GANC: variants seen among roughly 807,000 people sequenced by gnomAD.
GANC encodes neutral alpha-glucosidase C.
GANC carries 117 observed loss-of-function variants against 124.2 expected under a neutral mutation model. The ratio of observed to expected loss-of-function variants is 0.94; its 90% CI spans 0.81 to 1.10. The LOEUF is 1.10. Ranked by LOEUF, GANC falls within the 50% of genes least tolerant of loss-of-function variation. The pLI, the probability that GANC is intolerant of heterozygous loss-of-function variation, is 0.00. For missense variants in GANC, 1,140 were observed against 1,095.0 expected, an observed-to-expected ratio of 1.04 and a Z score of -0.58; for synonymous variants, 377 against 376.8, an observed-to-expected ratio of 1.00 and a Z score of -0.01.
intron 15 of GANC, among the ~76,000 whole-genome samples, chr15:42,333,040 T>TATATATATA (rs1408862547): frequency 2.5e-5 from 2 of 79,234 alleles, no homozygotes; most frequent in African/African-American, 6.8e-5. Context: ...ATATATATAT[T>TATATATATA]TTTTTTGGTC....
At chr15:42,327,014 A>G (rs906923982) in intron 12 of GANC, among the ~76,000 whole-genome samples, 4 of 152,170 alleles carry the variant, frequency 2.6e-5, no homozygotes, top group South Asian at 2.1e-4. Context: ...TTTTCCCTTT[A>G]CATCCCTTGA....
chr15:42,288,030 C>A (rs930883400), intron 4 of GANC, among the ~76,000 whole-genome samples: 5 of 152,096 alleles, frequency 3.3e-5, no homozygotes, highest in African/African-American at 1.2e-4. Context: ...ATTATCCATT[C>A]TGTTTTTTCT....
chr15:42,292,497 A>G (rs2051849592), intron 4 of GANC, among the ~76,000 whole-genome samples: 1 of 152,204 alleles, frequency 6.6e-6, no homozygotes, highest in Admixed American at 6.5e-5. Flanking sequence ...AAGGAAACCA[A>G]GACCTAGAAA....
intron 19 of GANC, among the ~76,000 whole-genome samples, chr15:42,343,977 A>G (rs958844888): frequency 6.6e-6 from 1 of 152,144 alleles, no homozygotes; most frequent in African/African-American, 2.4e-5. Flanking sequence ...TGGAGCTGGC[A>G]TGGGACTGCC....
chr15:42,341,551 C>G (rs2052329374), intron 18 of GANC, among the ~76,000 whole-genome samples: 1 of 151,322 alleles, frequency 6.6e-6, no homozygotes, highest in Admixed American at 6.6e-5. Context: ...AAGGGTGACT[C>G]TCATTTCTGA....
In GANC at chr15:42,274,212, T is replaced by C. The variant is rs2051625977; in HGVS notation, c.-270T>C. The stretch of plus-strand genomic sequence containing the variant: ...CTCACCGCCGCCCAGTTTCGGTTCC[T>C]AACAAAAGCACGTTCCTCATCAGCC... On this transcript the variant is annotated 5_prime_UTR_variant, in exon 1 of 24. Transcript: ENST00000318010. The C allele has an allele frequency of 4.5e-6, 2 of 446,450 alleles. No individual in the cohort carries two copies. Among genetic ancestry groups the C allele is most frequent in the Non-Finnish European group, 8.1e-6 (2 of 247,328 alleles). The allele number at this position is 446,450 out of a possible 1,614,324, so 27.7% of individuals were successfully genotyped here. A position where few individuals can be genotyped will look rare whatever the true frequency, so the allele number is the denominator to read the frequency against.
chr15:42,337,328 C>T (rs1315773195), intron 15 of GANC, among the ~76,000 whole-genome samples: 2 of 152,212 alleles, frequency 1.3e-5, no homozygotes, highest in Admixed American at 1.3e-4. Flanking sequence ...GATATCTTGC[C>T]TGTGATCTGG....
At chr15:42,310,253 T>G in intron 8 of GANC, 30 bp from the exon 9 acceptor site, 1 of 1,488,042 alleles carries the variant, frequency 6.7e-7, no homozygotes, top group Non-Finnish European at 9.2e-7. Context: ...ATATTTGTGA[T>G]GGTAATTGAT....
At chr15:42,280,927 A>G in intron 3 of GANC, 1 of 702,322 alleles carries the variant, frequency 1.4e-6, no homozygotes, top group Non-Finnish European at 2.6e-6. Context: ...GTCAGGTGCC[A>G]GGACCAGAGC....
intron 17 of GANC, 56 bp from the exon 18 acceptor site, chr15:42,340,634 T>G: frequency 1.1e-5 from 14 of 1,260,346 alleles, no homozygotes; most frequent in Middle Eastern, 2.2e-4. Context: ...ATATAAGTGA[T>G]TGATTGCAAT....
At chr15:42,284,008 A>G in intron 3 of GANC, 2 of 702,474 alleles carry the variant, frequency 2.8e-6, no homozygotes, top group African/African-American at 1.7e-5. Flanking sequence ...TTAATGAACT[A>G]TTAGACCATC....
At chr15:42,339,148 A>G (rs902245759) in intron 16 of GANC, among the ~76,000 whole-genome samples, 3 of 152,142 alleles carry the variant, frequency 2.0e-5, no homozygotes, top group Non-Finnish European at 4.4e-5. Context: ...GTACAATACA[A>G]GGAATATGTA....
chr15:42,302,942 T>C (rs553707555), intron 6 of GANC, among the ~76,000 whole-genome samples: 2 of 152,194 alleles, frequency 1.3e-5, no homozygotes, highest in South Asian at 4.1e-4. Flanking sequence ...CAGGATATTA[T>C]CCAGGAGAAT....
chr15:42,295,650 A>G (rs1319122057), intron 5 of GANC, among the ~76,000 whole-genome samples: 1 of 127,480 alleles, frequency 7.8e-6, no homozygotes, highest in African/African-American at 3.0e-5. Context: ...ACACACACAC[A>G]CACACACACA....
At position 42,330,656 on chromosome 15, in the gene GANC, T is replaced by G; in HGVS notation, c.1725T>G (p.Ala575=). The change falls in exon 15 of 24, where the codon GCT becomes GCG. Residue 575 remains alanine, a synonymous_variant. Transcript: ENST00000318010. Reference sequence around the variant, plus strand: ...TTGTTCTTACACGTTCTTTCTTTGCTGGATCACAAAAGTATGGTAAGGAAT... The same window carrying G: ...TTGTTCTTACACGTTCTTTCTTTGCGGGATCACAAAAGTATGGTAAGGAAT... The part of the protein sequence containing the change: ...RPFVLTRSFF[A]GSQKYGAVWT... 2 of 1,607,380 alleles carry G rather than the reference T, an allele frequency of 1.2e-6. No homozygotes were observed. The highest frequency in any genetic ancestry group is 1.7e-6 in the Non-Finnish European group (2 of 1,178,062).
At chr15:42,337,559 GA>G in intron 15 of GANC, among the ~76,000 whole-genome samples, 1 of 152,212 alleles carries the variant, frequency 6.6e-6, no homozygotes, top group Admixed American at 6.5e-5. Context: ...GCCTACCTGA[GA>G]ATAGAGGGTG....
At chr15:42,284,256 T>G (rs2051763995) in intron 3 of GANC, 1 of 516,860 alleles carries the variant, frequency 1.9e-6, no homozygotes, top group South Asian at 2.8e-5. Flanking sequence ...TTACTAATTG[T>G]GATTCCCAGT....
At position 42,278,527 on chromosome 15, in the gene GANC, A is replaced by G. The variant is rs749837758; in HGVS notation, c.138A>G (p.Leu46=). ...CCAAGAAGTCCACCTATCAGGCATTATTGGATTCAGTCACAACAGATGAAG... is the reference window on the plus strand; with the variant it reads ...CCAAGAAGTCCACCTATCAGGCATTGTTGGATTCAGTCACAACAGATGAAG... The part of the protein sequence containing the change: ...WLSKKSTYQA[L]LDSVTTDEDS... The change falls in exon 3 of 24, where the codon TTA becomes TTG. Residue 46 remains leucine (L), a synonymous_variant. Transcript: ENST00000318010. 6.7e-5 allele frequency: 108 copies of G among 1,613,168 alleles called. No individual in the cohort carries two copies. The highest frequency in any genetic ancestry group is 8.9e-5 in the Non-Finnish European group (105 of 1,179,570).
rs2141039302 is a variant in GANC, at chr15:42,304,883, G to T, written c.559-1663G>T. ...GAAAGGATTTCCTATTTAATAAATG[G>T]TGCTGGGAAAACTGTCTAGCCATGT... On this transcript the variant is annotated intron_variant, in intron 6 of 23. Transcript: ENST00000318010. 1.3e-5 allele frequency among the ~76,000 whole-genome samples: 2 copies of T among 152,264 alleles called. 1 individual carries two copies. Among genetic ancestry groups the T allele is most frequent in the South Asian group, 4.2e-4 (2 of 4,816 alleles).
Sources: gnomAD v4.1 joint callset for allele counts (sites outside exome capture counted in the v4.1 genomes callset) on GRCh38, gnomAD v4.1.1 for gene constraint, MANE v1.5 for transcripts, NCBI Gene and HGNC (gene_info 2026-07-23, HGNC 2026-07-21) for gene names.